Variants in NLRP2 observed in about 807,000 individuals in gnomAD.
NLRP2 encodes NACHT, LRR and PYD domains-containing protein 2.
NLRP2 carries 107 observed loss-of-function variants against 97.2 expected under a neutral mutation model. The ratio of observed to expected loss-of-function variants is 1.10; its 90% CI spans 0.94 to 1.29. The LOEUF (loss-of-function observed/expected upper bound fraction) is 1.29. NLRP2 is among the 50% of genes most tolerant of loss of function. NLRP2 has a pLI of 0.00. For synonymous variants in NLRP2, 663 were observed against 551.5 expected (o/e 1.20, Z -2.83); for missense variants, 1,495 against 1,330.3 (o/e 1.12, Z -1.93).
At chr19:54,973,721 C>A in intron 2 of NLRP2, 3 of 424,784 alleles carry the variant, frequency 7.1e-6, no homozygotes, top group East Asian at 6.1e-5. Context: ...AGTTTGAAAA[C>A]GGCAGGAGGA....
rs558518586 is a variant in NLRP2, at chr19:54,975,106, G to GT, written c.325+599dup. Among the ~76,000 whole-genome samples, 78 of 58,700 alleles carry GT rather than the reference G, an allele frequency of 1.3e-3. 16 individuals carry two copies. The highest frequency in any genetic ancestry group is 2.2e-3 in the Non-Finnish European group (64 of 28,940). 38.5% of individuals were successfully genotyped at this position (58,700 alleles called of 152,430 possible). ...ATGAGCCACCACCACACCCGGTTTT[G>GT]TTTTTTTTTTTTTTTTTTTTTTTTT... On this transcript the variant is annotated intron_variant, in intron 3 of 12. Coordinates refer to ENST00000448584, the MANE Select transcript of NLRP2 (RefSeq NM_017852.5).
chr19:54,991,840 G>GA (rs1411517499), intron 10 of NLRP2, among the ~76,000 whole-genome samples: 1 of 140,252 alleles, frequency 7.1e-6, no homozygotes, highest in East Asian at 2.0e-4. Flanking sequence ...GTGACAGAAC[G>GA]AGATTGTCTC....
rs911532411 is a variant in NLRP2 at position 55,000,675 on chromosome 19, C to CT, written c.3051-83dup. 1.7e-5 allele frequency: 24 copies of CT among 1,446,296 alleles called. No homozygotes were observed. The Admixed American group carries it at 3.9e-4, about 23-fold the overall frequency. 89.6% of individuals were successfully genotyped at this position (1,446,296 alleles called of 1,614,324 possible). On this transcript the variant is annotated intron_variant, in intron 12 of 12. Coordinates refer to ENST00000448584, the MANE Select transcript of NLRP2 (RefSeq NM_017852.5). ...AAAGGTGACCCATGCCCTGTGCCTC[C>CT]TTAACAGACTTTCAGGTACTTGGGA...
intron 3 of NLRP2, among the ~76,000 whole-genome samples, chr19:54,976,015 C>G (rs968773570): frequency 2.0e-5 from 3 of 151,730 alleles, no homozygotes; most frequent in African/African-American, 7.3e-5. Context: ...TCCCAAAGTG[C>G]TGGGATTACA....
At chr19:54,981,970 G>A (rs928376275) in intron 5 of NLRP2, among the ~76,000 whole-genome samples, 192 bp from the exon 6 acceptor site, 1 of 151,994 alleles carries the variant, frequency 6.6e-6, no homozygotes, top group Admixed American at 6.6e-5. Context: ...TAGAGACAAG[G>A]TTTCTTCATG....
chr19:55,000,514 G>A (rs1417104403), intron 12 of NLRP2, among the ~76,000 whole-genome samples: 2 of 149,310 alleles, frequency 1.3e-5, no homozygotes. Flanking sequence ...TGCTGACCTC[G>A]TGATCCACCC....
intron 1 of NLRP2, among the ~76,000 whole-genome samples, chr19:54,966,910 C>G (rs1276543199): frequency 7.0e-6 from 1 of 142,372 alleles, no homozygotes; most frequent in African/African-American, 2.6e-5. Context: ...GGCAGGATCT[C>G]GGCTCACTGA....
At chr19:55,000,634 AC>A (rs1403477645) in intron 12 of NLRP2, 125 bp from the exon 13 acceptor site, 1 of 930,790 alleles carries the variant, frequency 1.1e-6, no homozygotes, top group African/African-American at 1.7e-5. Flanking sequence ...CTCCTTTGCC[AC>A]CTAGAATAAT....
chr19:54,971,492 T>C (rs960399217), intron 2 of NLRP2, among the ~76,000 whole-genome samples: 2 of 152,034 alleles, frequency 1.3e-5, no homozygotes, highest in East Asian at 1.9e-4. Flanking sequence ...TGTTGTTTCC[T>C]GACTTTTTAA....
chr19:54,971,270 T>C (rs913766286), intron 2 of NLRP2, among the ~76,000 whole-genome samples: 12 of 149,922 alleles, frequency 8.0e-5, no homozygotes, highest in Admixed American at 2.0e-4. Flanking sequence ...TGAATAATGC[T>C]GCAATAAACA....
chr19:54,980,954 AC>A (rs1410236354), intron 4 of NLRP2, among the ~76,000 whole-genome samples: 1 of 152,164 alleles, frequency 6.6e-6, no homozygotes, highest in Non-Finnish European at 1.5e-5. Context: ...TACTAAAAAT[AC>A]AAAAATTAGC....
At position 54,978,846 on chromosome 19, in the gene NLRP2, A is replaced by G. The variant is rs1028047086; in HGVS notation, c.397+1023A>G. On this transcript the variant is annotated intron_variant, in intron 4 of 12. Coordinates refer to ENST00000448584, the MANE Select transcript of NLRP2 (RefSeq NM_017852.5). ...TGGCAACAGTGCGAGACTCCATCTT[A>G]AAAAAAAAAAAAAAAAATTGACAGG... Among the ~76,000 whole-genome samples, 14 of 82,232 alleles carry G rather than the reference A, an allele frequency of 1.7e-4. No homozygotes were observed. In the South Asian group the frequency reaches 4.3e-3, roughly 25 times the overall value. 53.9% of individuals were successfully genotyped at this position (82,232 alleles called of 152,430 possible). A position where few individuals can be genotyped will look rare whatever the true frequency, so the allele number is the denominator to read the frequency against.
intron 12 of NLRP2, among the ~76,000 whole-genome samples, chr19:54,999,612 T>C (rs1408529695): frequency 6.6e-6 from 1 of 152,124 alleles, no homozygotes; most frequent in East Asian, 1.9e-4. Flanking sequence ...ACAATGGCTA[T>C]ATACCATTAC....
chr19:54,980,334 T>C (rs1250531377), intron 4 of NLRP2, among the ~76,000 whole-genome samples: 1 of 151,758 alleles, frequency 6.6e-6, no homozygotes, highest in Non-Finnish European at 1.5e-5. Context: ...TAGCTGGGAC[T>C]ACAGGCGCCC....
intron 3 of NLRP2, among the ~76,000 whole-genome samples, chr19:54,976,490 G>A (rs2071235615): frequency 6.6e-6 from 1 of 151,726 alleles, no homozygotes; most frequent in Admixed American, 6.6e-5. Context: ...GGGATTACAG[G>A]CGCCTACCAC....
chr19:54,980,202 G>C lies in NLRP2; in HGVS notation c.398-1415G>C, dbSNP rs548703149. On this transcript the variant is annotated intron_variant, in intron 4 of 12. Transcript: ENST00000448584. ...GGCATGGCAGGTAAAGAAATGTTTT[G>C]TTTTGTTTTTTTTTTTGAGACAGTC... Among the ~76,000 whole-genome samples the C allele has an allele frequency of 8.3e-4, 86 of 103,872 alleles. 1 individual carries two copies. Among genetic ancestry groups the C allele is most frequent in the African/African-American group, 3.0e-3 (84 of 27,582 alleles). The allele number at this position is 103,872 out of a possible 152,430, so 68.1% of individuals were successfully genotyped here.
intron 8 of NLRP2, among the ~76,000 whole-genome samples, chr19:54,988,783 C>G (rs538174517): frequency 1.1e-4 from 17 of 152,152 alleles, no homozygotes; most frequent in African/African-American, 4.1e-4. Flanking sequence ...CTGCCAAAGT[C>G]CTGGGATTAC....
chr19:54,999,137 G>A (rs149737317), intron 12 of NLRP2, among the ~76,000 whole-genome samples: 4,389 of 151,250 alleles, frequency 0.029, 75 homozygotes, highest in Non-Finnish European at 0.033. Flanking sequence ...CTGGCTGGGC[G>A]GGGGGCTGAC....
chr19:54,981,509 G>GGCCCCCCCCCCCCC, intron 4 of NLRP2, 108 bp from the exon 5 acceptor site: 6 of 386,502 alleles, frequency 1.6e-5, no homozygotes, highest in Non-Finnish European at 2.6e-5. Context: ...CTGATCCCGT[G>GGCCCCCCCCCCCCC]CCCCCCCTCC....
Sources: allele counts gnomAD v4.1 joint callset (sites outside exome capture counted in the v4.1 genomes callset), GRCh38; gene constraint gnomAD v4.1.1; transcripts MANE v1.5; gene names NCBI Gene and HGNC (gene_info 2026-07-23, HGNC 2026-07-21).